Variants in ATP10A observed in about 807,000 individuals in gnomAD.
ATP10A encodes the protein ATPase phospholipid transporting 10A (putative), also known as phospholipid-transporting ATPase VA.
A neutral mutation model predicts 147.8 loss-of-function variants in ATP10A; 111 were observed. That is an observed-to-expected ratio of 0.75 (90% confidence interval 0.64 to 0.88). The LOEUF (loss-of-function observed/expected upper bound fraction) is 0.88, where lower values mean the gene tolerates loss of function less well. ATP10A is among the 40% of genes least tolerant of loss of function. The probability of loss-of-function intolerance (pLI) is 0.00; values close to 1 mark genes in which losing one functional copy is unlikely to be tolerated. For missense variants in ATP10A, 1,927 were observed against 1,959.0 expected (o/e 0.98, Z 0.31); for synonymous variants, 875 against 841.6 (o/e 1.04, Z -0.69).
intron 1 of ATP10A, among the ~76,000 whole-genome samples, chr15:25,800,677 G>A (rs909752929): frequency 9.9e-5 from 15 of 152,212 alleles, no homozygotes; most frequent in Admixed American, 9.2e-4. Flanking sequence ...ACGAACACTT[G>A]AAGATGTTCA....
At chr15:25,734,526 G>A (rs1016753743) in intron 3 of ATP10A, among the ~76,000 whole-genome samples, 1 of 152,178 alleles carries the variant, frequency 6.6e-6, no homozygotes, top group African/African-American at 2.4e-5. Context: ...GCAGTGCTGA[G>A]GATGGTGCCC....
At chr15:25,838,265 T>C (rs1892672911) in intron 1 of ATP10A, among the ~76,000 whole-genome samples, 1 of 152,204 alleles carries the variant, frequency 6.6e-6, no homozygotes, top group Non-Finnish European at 1.5e-5. Flanking sequence ...AATAAGAGCC[T>C]AAGAGGCCTA....
chr15:25,755,603 G>T (rs2140601703), intron 2 of ATP10A, among the ~76,000 whole-genome samples: 1 of 152,224 alleles, frequency 6.6e-6, no homozygotes, highest in African/African-American at 2.4e-5. Flanking sequence ...TAGAAAAGGG[G>T]CTGTCTCAAA....
intron 14 of ATP10A, 80 bp from the exon 15 acceptor site, chr15:25,691,871 G>C: frequency 9.0e-6 from 14 of 1,561,186 alleles, no homozygotes; most frequent in African/African-American, 1.4e-5. Flanking sequence ...ATTTTCTTGG[G>C]AGTCCCCGCT....
At chr15:25,720,839 A>C (rs1164526827) in intron 7 of ATP10A, among the ~76,000 whole-genome samples, 2 of 152,212 alleles carry the variant, frequency 1.3e-5, no homozygotes, top group Non-Finnish European at 2.9e-5. Flanking sequence ...TAAACAACAG[A>C]TGCTTCCCAC....
At chr15:25,832,311 T>C (rs1892394390) in intron 1 of ATP10A, among the ~76,000 whole-genome samples, 1 of 152,092 alleles carries the variant, frequency 6.6e-6, no homozygotes, top group African/African-American at 2.4e-5. Flanking sequence ...TATGGTAATC[T>C]GTTATAGAAG....
At chr15:25,676,424 A>T (rs531894971), downstream of ATP10A, among the ~76,000 whole-genome samples, 1 of 152,350 alleles carries the variant, frequency 6.6e-6, no homozygotes, top group East Asian at 1.9e-4. Context: ...ACATCCAAGC[A>T]CTTGCAGCCA....
intron 2 of ATP10A, among the ~76,000 whole-genome samples, chr15:25,776,752 G>A (rs1405669715): frequency 6.6e-6 from 1 of 152,178 alleles, no homozygotes; most frequent in African/African-American, 2.4e-5. Context: ...CCGCCTTCCG[G>A]TTTTTGTTGT....
intron 1 of ATP10A, among the ~76,000 whole-genome samples, chr15:25,789,679 T>C (rs1306374822): frequency 6.6e-6 from 1 of 152,024 alleles, no homozygotes; most frequent in Non-Finnish European, 1.5e-5. Context: ...ATACACTCAT[T>C]ATACATCAGG....
intron 1 of ATP10A, among the ~76,000 whole-genome samples, chr15:25,796,735 T>C (rs1890688502): frequency 6.6e-6 from 1 of 152,196 alleles, no homozygotes; most frequent in Non-Finnish European, 1.5e-5. Flanking sequence ...CGGATATCCC[T>C]CTGGGATGGG....
intron 1 of ATP10A, among the ~76,000 whole-genome samples, chr15:25,786,825 C>T (rs570952231): frequency 1.4e-5 from 2 of 145,286 alleles, no homozygotes; most frequent in South Asian, 2.2e-4. Flanking sequence ...TTAGTAGAGA[C>T]GGGGTTTCAC....
At chr15:25,814,470 C>T (rs934099930) in intron 1 of ATP10A, among the ~76,000 whole-genome samples, 10 of 152,210 alleles carry the variant, frequency 6.6e-5, no homozygotes, top group African/African-American at 2.4e-4. Context: ...AAAGATGCCC[C>T]TCTGCCTGGT....
chr15:25,691,524 A>G (rs1374865695), intron 15 of ATP10A, among the ~76,000 whole-genome samples, 191 bp downstream of exon 15: 1 of 152,220 alleles, frequency 6.6e-6, no homozygotes, highest in Non-Finnish European at 1.5e-5. Context: ...CTTCATAAAC[A>G]GGAAGAATGG....
chr15:25,682,537 T>G (rs1005453726), intron 17 of ATP10A, among the ~76,000 whole-genome samples: 1 of 152,174 alleles, frequency 6.6e-6, no homozygotes, highest in African/African-American at 2.4e-5. Flanking sequence ...CCAGCGTCTT[T>G]GTCCCACAGG....
chr15:25,768,337 A>G (rs1010674889), intron 2 of ATP10A, among the ~76,000 whole-genome samples: 1 of 152,100 alleles, frequency 6.6e-6, no homozygotes, highest in South Asian at 2.1e-4. Flanking sequence ...TCTGAGAAAA[A>G]ATGGCATTGT....
intron 13 of ATP10A, 59 bp from the exon 14 acceptor site, chr15:25,695,205 G>C: frequency 6.7e-7 from 1 of 1,496,040 alleles, no homozygotes; most frequent in East Asian, 2.3e-5. Context: ...AAACATCCCC[G>C]CCCTGGCTCA....
chr15:25,835,466 T>C (rs1409944732), intron 1 of ATP10A, among the ~76,000 whole-genome samples: 1 of 152,130 alleles, frequency 6.6e-6, no homozygotes, highest in African/African-American at 2.4e-5. Context: ...CCCTCCCTGG[T>C]CGCAGTGAGG....
chr15:25,717,649 C>T (rs1056677054), intron 8 of ATP10A, among the ~76,000 whole-genome samples: 12 of 152,292 alleles, frequency 7.9e-5, no homozygotes, highest in Middle Eastern at 3.4e-3. Flanking sequence ...AATGAGGCCA[C>T]CACAGAGTAA....
rs540595454 is a variant in ATP10A, at chr15:25,781,652, C to T, written c.450-429G>A. On this transcript the variant is annotated intron_variant, in intron 1 of 20. Transcript: ENST00000555815. Reference sequence around the variant, plus strand: ...CCTGGGCTATAGAGTGATATTCCGTCTCAAAAAAAAAGAAGGAAAAAAAAA... The same window carrying T: ...CCTGGGCTATAGAGTGATATTCCGTTTCAAAAAAAAAGAAGGAAAAAAAAA... Among the ~76,000 whole-genome samples the T allele has an allele frequency of 9.4e-5, 14 of 149,230 alleles. No homozygotes were observed. The East Asian group carries it at 2.5e-3, about 27-fold the overall frequency.
Sources: gnomAD v4.1 joint callset for allele counts (sites outside exome capture counted in the v4.1 genomes callset) on GRCh38, gnomAD v4.1.1 for gene constraint, MANE v1.5 for transcripts, NCBI Gene and HGNC (gene_info 2026-07-23, HGNC 2026-07-21) for gene names.